RXRA: variants seen among roughly 807,000 people sequenced by gnomAD.
RXRA encodes retinoid X receptor alpha.
In RXRA, 5 loss-of-function variants were observed where a neutral mutation model predicts 44.5. The ratio of observed to expected loss-of-function variants is 0.11; its 90% confidence interval spans 0.06 to 0.24. RXRA has a LOEUF of 0.24. RXRA is among the 10% of genes least tolerant of loss of function. The pLI, the probability that RXRA is intolerant of heterozygous loss-of-function variation, is 1.00. For synonymous variants in RXRA, 291 were observed against 271.4 expected (o/e 1.07, Z -0.71); for missense variants, 412 against 646.5 (o/e 0.64, Z 3.93).
chr9:134,393,686 C>T (rs1054948604), intron 1 of RXRA, among the ~76,000 whole-genome samples: 2 of 152,190 alleles, frequency 1.3e-5, no homozygotes, highest in African/African-American at 4.8e-5. Context: ...AAAACCCTAG[C>T]CCTCATGCCC....
At chr9:134,335,969 G>A (rs912185665) in intron 1 of RXRA, among the ~76,000 whole-genome samples, 2 of 152,162 alleles carry the variant, frequency 1.3e-5, no homozygotes, top group African/African-American at 4.8e-5. Flanking sequence ...ATGGCTTCTC[G>A]CCCTCTCCCC....
At position 134,436,747 on chromosome 9, in the gene RXRA, T is replaced by C. The variant is rs1588313901; in HGVS notation, c.*133T>C. The stretch of plus-strand genomic sequence containing the variant: ...TGGACTTTGGGGCACAGCCTGTCAC[T>C]GCTCTGCCTAAGAGATGTGTTGTCA... On this transcript the variant is annotated 3_prime_UTR_variant, in exon 10 of 10. Coordinates refer to ENST00000481739, the MANE Select transcript of RXRA (RefSeq NM_002957.6). 1 of 941,980 alleles carries C rather than the reference T, an allele frequency of 1.1e-6. No homozygotes were observed. Among genetic ancestry groups the C allele is most frequent in the East Asian group, 2.6e-5 (1 of 39,126 alleles). 58.4% of individuals were successfully genotyped at this position (941,980 alleles called of 1,614,324 possible).
chr9:134,326,508 G>GCGCCGC lies in RXRA; in HGVS notation c.-116_-111dup, dbSNP rs1406940330. 7.0e-6 allele frequency: 1 copy of GCGCCGC among 142,452 alleles called. No individual in the cohort carries two copies. Among genetic ancestry groups the GCGCCGC allele is most frequent in the African/African-American group, 2.5e-5 (1 of 39,522 alleles). 8.8% of individuals were successfully genotyped at this position (142,452 alleles called of 1,614,324 possible). A position where few individuals can be genotyped will look rare whatever the true frequency, so the allele number is the denominator to read the frequency against. ...CAACTCGCCGCGCCGCGGCCTCCGC[G>GCGCCGC]CGCCGCCGCCGCCACCGCAGCCGCC... is the stretch of plus-strand genomic sequence containing the variant. On this transcript the variant is annotated 5_prime_UTR_variant, in exon 1 of 10. Coordinates refer to ENST00000481739, the MANE Select transcript of RXRA (RefSeq NM_002957.6).
chr9:134,410,572 T>C (rs1831131535), intron 4 of RXRA, among the ~76,000 whole-genome samples: 1 of 152,120 alleles, frequency 6.6e-6, no homozygotes, highest in South Asian at 2.1e-4. Flanking sequence ...CTTGCTGTGG[T>C]GGCAGGTGCA....
At chr9:134,351,122 T>C (rs1378679203) in intron 1 of RXRA, among the ~76,000 whole-genome samples, 1 of 152,226 alleles carries the variant, frequency 6.6e-6, no homozygotes, top group African/African-American at 2.4e-5. Flanking sequence ...CTGAGCCCTC[T>C]GAATGCTTTG....
At chr9:134,391,953 A>C (rs1421772694) in intron 1 of RXRA, among the ~76,000 whole-genome samples, 1 of 152,156 alleles carries the variant, frequency 6.6e-6, no homozygotes, top group Non-Finnish European at 1.5e-5. Context: ...ATGTAATGAA[A>C]TGTTGGCCTG....
At position 134,425,539 on chromosome 9, in the gene RXRA, G is replaced by A. The variant is rs1044546075; in HGVS notation, c.911-3569G>A. On this transcript the variant is annotated intron_variant, in intron 6 of 9. Coordinates refer to ENST00000481739, the MANE Select transcript of RXRA (RefSeq NM_002957.6). Reference sequence around the variant, plus strand: ...GTTGCACAGGCACCTCCTGCGTGGCGGCAGGGTGGGGGGTGGGGGGGGGTG... The same window carrying A: ...GTTGCACAGGCACCTCCTGCGTGGCAGCAGGGTGGGGGGTGGGGGGGGGTG... The A allele has an allele frequency of 5.1e-5, 43 of 840,078 alleles. No individual in the cohort carries two copies. The African/African-American group carries it at 7.6e-4, about 15-fold the overall frequency. 52.0% of individuals were successfully genotyped at this position (840,078 alleles called of 1,614,324 possible). A position where few individuals can be genotyped will look rare whatever the true frequency, so the allele number is the denominator to read the frequency against.
At chr9:134,328,994 T>C (rs1333609708) in intron 1 of RXRA, among the ~76,000 whole-genome samples, 1 of 152,222 alleles carries the variant, frequency 6.6e-6, no homozygotes, top group Non-Finnish European at 1.5e-5. Context: ...TTCCTGGCCC[T>C]GCTGCCCGGG....
intron 1 of RXRA, among the ~76,000 whole-genome samples, chr9:134,362,813 G>A (rs946758066): frequency 6.6e-6 from 1 of 152,244 alleles, no homozygotes; most frequent in Non-Finnish European, 1.5e-5. Context: ...CACTTGGCTG[G>A]TGGCGCTTAG....
At chr9:134,409,310 G>A (rs920949479) in intron 4 of RXRA, among the ~76,000 whole-genome samples, 191 bp downstream of exon 4, 2 of 152,250 alleles carry the variant, frequency 1.3e-5, no homozygotes, top group African/African-American at 4.8e-5. Flanking sequence ...GGGCACACAT[G>A]GGTCCTGGGC....
intron 1 of RXRA, among the ~76,000 whole-genome samples, chr9:134,388,301 A>T (rs78724675): frequency 5.2e-4 from 6 of 11,588 alleles, no homozygotes; most frequent in African/African-American, 4.7e-3. Context: ...GTGAGTGTGT[A>T]TGTGCATTTG....
chr9:134,423,211 C>T lies in RXRA; in HGVS notation c.910+1406C>T, dbSNP rs1280962241. 5.1e-6 allele frequency: 5 copies of T among 985,316 alleles called. No individual in the cohort carries two copies. The African/African-American group carries it at 8.7e-5, about 17-fold the overall frequency. The allele number at this position is 985,316 out of a possible 1,614,324, so 61.0% of individuals were successfully genotyped here. A position where few individuals can be genotyped will look rare whatever the true frequency, so the allele number is the denominator to read the frequency against. ...GCCAGGCTGTTAGTGGAGTTTCCTG[C>T]TGGTGAAGCAACACGTTGGGTGCCC... On this transcript the variant is annotated intron_variant, in intron 6 of 9. Transcript: ENST00000481739.
chr9:134,377,533 GT>G (rs1294830656), intron 1 of RXRA, among the ~76,000 whole-genome samples: 1 of 152,124 alleles, frequency 6.6e-6, no homozygotes, highest in Non-Finnish European at 1.5e-5. Context: ...GTCTCCGTGT[GT>G]GTGTGCCCTG....
intron 6 of RXRA, chr9:134,422,545 C>T (rs1400487230): frequency 1.2e-5 from 15 of 1,207,724 alleles, no homozygotes; most frequent in African/African-American, 1.6e-5. Context: ...GACACTCCCC[C>T]CTCCTGGGAC....
In RXRA at chr9:134,426,827, C is replaced by G; in HGVS notation, c.911-2281C>G. ...GTTTGGGGCCAGTTGTGCCCCAGCC[C>G]AGATCTTGTCCTCGGCCCCCTGGGT... On this transcript the variant is annotated intron_variant, in intron 6 of 9. Coordinates refer to ENST00000481739, the MANE Select transcript of RXRA (RefSeq NM_002957.6). The surrounding 1 kb of genome is among the most constrained non-coding windows in gnomAD (Gnocchi z 4.6). 1 of 985,380 alleles carries G rather than the reference C, an allele frequency of 1.0e-6. No homozygotes were observed. The highest frequency in any genetic ancestry group is 1.2e-6 in the Non-Finnish European group (1 of 829,906). The allele number at this position is 985,380 out of a possible 1,614,324, so 61.0% of individuals were successfully genotyped here.
intron 1 of RXRA, among the ~76,000 whole-genome samples, chr9:134,362,990 C>G (rs1830371017): frequency 6.6e-6 from 1 of 152,250 alleles, no homozygotes; most frequent in South Asian, 2.1e-4. Context: ...AATCCTTGCT[C>G]TTGTTAATTT....
chr9:134,377,724 C>A (rs114509195), intron 1 of RXRA, among the ~76,000 whole-genome samples: 5,060 of 152,340 alleles, frequency 0.033, 124 homozygotes, highest in African/African-American at 0.067. Context: ...TTTATTCTGA[C>A]TTCCAGCTGC....
At chr9:134,436,328 A>G (rs1332558564) in intron 9 of RXRA, 139 bp from the exon 10 acceptor site, 8 of 810,986 alleles carry the variant, frequency 9.9e-6, no homozygotes, top group African/African-American at 1.7e-5. Flanking sequence ...GAGGCTTGGC[A>G]TAGGCAGATT....
At chr9:134,376,904 C>T (rs1254011007) in intron 1 of RXRA, among the ~76,000 whole-genome samples, 1 of 152,210 alleles carries the variant, frequency 6.6e-6, no homozygotes, top group African/African-American at 2.4e-5. Flanking sequence ...GTGCAGGAAG[C>T]ATTTCCTTAC....
Sources: allele counts gnomAD v4.1 joint callset (sites outside exome capture counted in the v4.1 genomes callset), GRCh38; gene constraint gnomAD v4.1.1; non-coding constraint Gnocchi (gnomAD v3.1); transcripts MANE v1.5; gene names NCBI Gene and HGNC (gene_info 2026-07-23, HGNC 2026-07-21).